Variants in TSC22D1 observed in about 807,000 individuals in gnomAD.
TSC22D1 encodes TSC22 domain family member 1, also known as TSC22 domain family protein 1.
Under a neutral mutation model 74.2 loss-of-function variants are expected in TSC22D1, and 9 were observed. That is an observed-to-expected ratio of 0.12 (90% CI 0.07 to 0.21). TSC22D1 has a LOEUF of 0.21. Among genes scored for constraint, TSC22D1 ranks in the 10% least tolerant of loss-of-function variants. TSC22D1 has a pLI of 1.00. For missense variants in TSC22D1, 1,427 were observed against 1,304.7 expected, an observed-to-expected ratio of 1.09 and a Z score of -1.44; for synonymous variants, 586 against 492.5, an observed-to-expected ratio of 1.19 and a Z score of -2.51.
intron 1 of TSC22D1, among the ~76,000 whole-genome samples, chr13:44,552,532 C>T (rs1882352884): frequency 1.3e-5 from 2 of 152,166 alleles, no homozygotes; most frequent in Non-Finnish European, 2.9e-5. Context: ...GGTCTGCAAA[C>T]CATTTACAAA....
intron 1 of TSC22D1, among the ~76,000 whole-genome samples, chr13:44,508,868 G>A (rs1283160434): frequency 6.6e-6 from 1 of 152,072 alleles, no homozygotes; most frequent in Non-Finnish European, 1.5e-5. Flanking sequence ...CACACAGTCA[G>A]ACACAGCCCC....
At chr13:44,475,901 G>T (rs1010359658) in intron 1 of TSC22D1, among the ~76,000 whole-genome samples, 2 of 152,068 alleles carry the variant, frequency 1.3e-5, no homozygotes, top group African/African-American at 2.4e-5. Flanking sequence ...CCAAAGGAAA[G>T]ATCAACAACA....
intron 1 of TSC22D1, among the ~76,000 whole-genome samples, chr13:44,564,556 C>G (rs147448174): frequency 1.1e-4 from 16 of 152,154 alleles, no homozygotes; most frequent in African/African-American, 3.9e-4. Flanking sequence ...TGGATGAAAA[C>G]TGAAAAACTT....
chr13:44,489,206 C>A (rs1437954607), intron 1 of TSC22D1, among the ~76,000 whole-genome samples: 273 of 134,474 alleles, frequency 2.0e-3, no homozygotes, highest in Non-Finnish European at 2.2e-3. Context: ...TCATTTCATG[C>A]AAAAAAAAAA....
intron 1 of TSC22D1, among the ~76,000 whole-genome samples, chr13:44,482,444 C>T (rs1257115758): frequency 6.6e-6 from 1 of 152,158 alleles, no homozygotes; most frequent in African/African-American, 2.4e-5. Flanking sequence ...GAAGCTGAGG[C>T]CAGAGGATCG....
intron 1 of TSC22D1, chr13:44,436,756 G>A (rs1429383866): frequency 1.3e-6 from 2 of 1,482,928 alleles, no homozygotes; most frequent in Non-Finnish European, 1.8e-6. Flanking sequence ...CTAATTTAAA[G>A]AAACCCAGCT....
intron 1 of TSC22D1, among the ~76,000 whole-genome samples, chr13:44,552,084 G>A (rs529262870): frequency 2.9e-4 from 44 of 152,210 alleles, no homozygotes; most frequent in Admixed American, 1.3e-4. Context: ...CATCGTAAAG[G>A]AATTCCCAAA....
chr13:44,527,470 T>A (rs367750057), intron 1 of TSC22D1, among the ~76,000 whole-genome samples: 5 of 152,264 alleles, frequency 3.3e-5, no homozygotes, highest in African/African-American at 1.2e-4. Flanking sequence ...TGAAGGTGGA[T>A]TCGTTGTAAA....
chr13:44,504,863 A>G (rs1879376328), intron 1 of TSC22D1, among the ~76,000 whole-genome samples: 1 of 152,188 alleles, frequency 6.6e-6, no homozygotes, highest in South Asian at 2.1e-4. Context: ...TATCAAATAT[A>G]TGTTAAAGGC....
At chr13:44,487,435 G>A (rs1003022727) in intron 1 of TSC22D1, among the ~76,000 whole-genome samples, 14 of 144,734 alleles carry the variant, frequency 9.7e-5, no homozygotes, top group Non-Finnish European at 1.9e-4. Flanking sequence ...GGAGGTGGAG[G>A]TTGCAGTGAG....
At chr13:44,438,438 G>A (rs1874918719) in intron 1 of TSC22D1, among the ~76,000 whole-genome samples, 1 of 152,114 alleles carries the variant, frequency 6.6e-6, no homozygotes, top group Admixed American at 6.5e-5. Context: ...TGGTAGTGGG[G>A]GTAGGTAGAT....
At chr13:44,521,440 C>T (rs1173989822) in intron 1 of TSC22D1, among the ~76,000 whole-genome samples, 4 of 152,006 alleles carry the variant, frequency 2.6e-5, no homozygotes, top group African/African-American at 9.6e-5. Context: ...CCTCTTCTGG[C>T]CTCCTGGACT....
Position 44,574,071 on chromosome 13 carries a change from G to A in TSC22D1, c.2004C>T (p.Ser668=), listed in dbSNP as rs746158874. ...QQQPILQTAM[S]SGQPSSAGVG... ...CTCCTGCAGAACTGGGCTGTCCGGA[G>A]GACATTGCTGTTTGAAGAATTGGCT... Residue 668 remains serine, a synonymous_variant, in exon 1 of 3, where the codon TCC becomes TCT. Coordinates refer to ENST00000458659, the MANE Select transcript of TSC22D1 (RefSeq NM_183422.4). 1.2e-6 allele frequency: 2 copies of A among 1,614,244 alleles called. No homozygotes were observed. The highest frequency in any genetic ancestry group is 1.1e-5 in the South Asian group (1 of 91,080).
chr13:44,448,490 A>G (rs562016445), intron 1 of TSC22D1, among the ~76,000 whole-genome samples: 5 of 152,308 alleles, frequency 3.3e-5, no homozygotes, highest in East Asian at 3.9e-4. Flanking sequence ...AAATTTAAGG[A>G]TATTACCTAG....
intron 1 of TSC22D1, among the ~76,000 whole-genome samples, chr13:44,528,981 A>G (rs925033874): frequency 1.1e-4 from 17 of 152,122 alleles, no homozygotes; most frequent in African/African-American, 3.9e-4. Flanking sequence ...TGAATCAATC[A>G]TTAATAACCT....
In TSC22D1 at chr13:44,574,322, C is replaced by T; in HGVS notation, c.1753G>A (p.Val585Ile). 2 of 1,614,248 alleles carry T rather than the reference C, an allele frequency of 1.2e-6. No homozygotes were observed. Among genetic ancestry groups the T allele is most frequent in the African/African-American group, 2.7e-5 (2 of 75,054 alleles). Residue 585 changes from valine to isoleucine, a missense_variant, in exon 1 of 3, where the codon GTT becomes ATT. Val to Ile is a conservative substitution (Grantham distance 29). Transcript: ENST00000458659. ...TGIQPSPVNV[V>I]GVTSALGQQP... is the part of the protein sequence containing the mutation. ...TGACCTAAAGCTGAAGTTACACCAA[C>T]CACATTTACAGGCGATGGCTGGATA...
intron 1 of TSC22D1, among the ~76,000 whole-genome samples, chr13:44,494,995 A>C (rs556653640): frequency 1.3e-5 from 2 of 152,320 alleles, no homozygotes; most frequent in East Asian, 3.9e-4. Context: ...GGGAGGTTTA[A>C]GAGCAGATCT....
chr13:44,550,103 G>A lies in TSC22D1; in HGVS notation c.2912+23060C>T, dbSNP rs532615168. Among the ~76,000 whole-genome samples, 9 of 152,204 alleles carry A rather than the reference G, an allele frequency of 5.9e-5. No individual in the cohort carries two copies. The South Asian group carries it at 1.7e-3, about 28-fold the overall frequency. On this transcript the variant is annotated intron_variant, in intron 1 of 2. Coordinates refer to ENST00000458659, the MANE Select transcript of TSC22D1 (RefSeq NM_183422.4). ...AAGAAAATGAAAAGGTATTAAGAAA[G>A]AACATCAACCCACCATTAAATTAAC...
In TSC22D1 at chr13:44,481,938, C is replaced by T. The variant is rs554901423; in HGVS notation, c.2913-45843G>A. ...ATATTACTGACTGAACCATTATTCCCAGTTAAAACTCTTCACGTTTCTATT... is the reference window on the plus strand; with the variant it reads ...ATATTACTGACTGAACCATTATTCCTAGTTAAAACTCTTCACGTTTCTATT... On this transcript the variant is annotated intron_variant, in intron 1 of 2. Coordinates refer to ENST00000458659, the MANE Select transcript of TSC22D1 (RefSeq NM_183422.4). Among the ~76,000 whole-genome samples, 191 of 152,292 alleles carry T rather than the reference C, an allele frequency of 1.3e-3. 1 individual carries two copies. The highest frequency in any genetic ancestry group is 4.4e-3 in the African/African-American group (183 of 41,554).
Sources: allele counts gnomAD v4.1 joint callset (sites outside exome capture counted in the v4.1 genomes callset), GRCh38; gene constraint gnomAD v4.1.1; transcripts MANE v1.5; gene names NCBI Gene and HGNC (gene_info 2026-07-23, HGNC 2026-07-21).